PTPN11: variants seen among roughly 807,000 people sequenced by gnomAD.
The protein encoded by PTPN11 is protein tyrosine phosphatase non-receptor type 11.
A neutral mutation model predicts 78.8 loss-of-function variants in PTPN11; 6 were observed. The ratio of observed to expected loss-of-function variants is 0.08; its 90% confidence interval spans 0.04 to 0.15. PTPN11 has a LOEUF of 0.15. Ranked by LOEUF, PTPN11 falls within the 10% of genes least tolerant of loss-of-function variation. The pLI is 1.00. For missense variants in PTPN11, 386 were observed against 744.8 expected (o/e 0.52, Z 5.61); for synonymous variants, 221 against 263.5 (o/e 0.84, Z 1.56).
chr12:112,460,857 A>G (rs2038236310), intron 6 of PTPN11, among the ~76,000 whole-genome samples: 1 of 152,078 alleles, frequency 6.6e-6, no homozygotes, highest in African/African-American at 2.4e-5. Context: ...AAACAAAACA[A>G]AACAATCTTA....
chr12:112,491,263 T>G (rs1386722058), intron 13 of PTPN11, among the ~76,000 whole-genome samples: 1 of 146,488 alleles, frequency 6.8e-6, no homozygotes, highest in East Asian at 2.2e-4. Flanking sequence ...AACTTCCAAC[T>G]ACAGTAGTGA....
chr12:112,504,691 C>G lies in PTPN11; in HGVS notation c.1713-4C>G, dbSNP rs754737587. 1 of 1,564,302 alleles carries G rather than the reference C, an allele frequency of 6.4e-7. No individual in the cohort carries two copies. The highest frequency in any genetic ancestry group is 1.7e-5 in the Admixed American group (1 of 59,906). On this transcript the variant is annotated splice_polypyrimidine_tract_variant and splice_region_variant and intron_variant, in intron 14 of 15. Transcript: ENST00000351677. The surrounding 1 kb of genome is among the most constrained non-coding windows in gnomAD (Gnocchi z 4.7). The stretch of plus-strand genomic sequence containing the variant: ...AAATGTCTTTCTTTTTCTTTTCTCT[C>G]CAGAATGAGAGAAGACAGTGCTAGA...
rs762539984 is a variant in PTPN11, at chr12:112,446,414, AAG to A, written c.137+21_137+22del. ...TTTCCGTTAGGTAAGTTGGAATGAAAAGAGAGGATCCTGAGAGTGTTTTCTAG... is the reference window on the plus strand; with the variant it reads ...TTTCCGTTAGGTAAGTTGGAATGAAAAGAGGATCCTGAGAGTGTTTTCTAG... On this transcript the variant is annotated intron_variant, in intron 2 of 15. Transcript: ENST00000351677. 1 of 1,614,082 alleles carries A rather than the reference AAG, an allele frequency of 6.2e-7. No individual in the cohort carries two copies. Among genetic ancestry groups the A allele is most frequent in the Non-Finnish European group, 8.5e-7 (1 of 1,179,984 alleles).
intron 13 of PTPN11, among the ~76,000 whole-genome samples, chr12:112,492,823 A>T (rs1469376270): frequency 2.0e-5 from 3 of 152,060 alleles, no homozygotes; most frequent in Non-Finnish European, 4.4e-5. Flanking sequence ...GGCTCTCATA[A>T]TACTTTTTGC....
intron 1 of PTPN11, among the ~76,000 whole-genome samples, chr12:112,430,323 A>G (rs1179125969): frequency 6.6e-6 from 1 of 152,184 alleles, no homozygotes; most frequent in Non-Finnish European, 1.5e-5. Context: ...TTTTCTTATT[A>G]TCAGAGCCAG....
At chr12:112,452,416 G>A (rs894305787) in intron 3 of PTPN11, among the ~76,000 whole-genome samples, 33 of 152,180 alleles carry the variant, frequency 2.2e-4, no homozygotes, top group Admixed American at 1.4e-3. Context: ...AGCAGAGACA[G>A]GGTTTCACCA....
At chr12:112,419,151 C>T in intron 1 of PTPN11, 26 bp downstream of exon 1, 1 of 1,500,656 alleles carries the variant, frequency 6.7e-7, no homozygotes, top group Non-Finnish European at 8.9e-7. Context: ...GGGCCCGGCG[C>T]GGGCCTCGGC....
intron 3 of PTPN11, among the ~76,000 whole-genome samples, chr12:112,451,211 A>G (rs1048265464): frequency 1.3e-5 from 2 of 152,160 alleles, no homozygotes; most frequent in Non-Finnish European, 2.9e-5. Context: ...TTTTCAGCTT[A>G]TACCTTTATG....
chr12:112,453,327 T>C lies in PTPN11; in HGVS notation c.465T>C (p.Asp155=). 6.2e-7 allele frequency: 1 copy of C among 1,614,124 alleles called. No homozygotes were observed. Among genetic ancestry groups the C allele is most frequent in the African/African-American group, 1.3e-5 (1 of 75,034 alleles). The change falls in exon 4 of 16, where the codon GAT becomes GAC. Residue 155 remains aspartate (D), a synonymous_variant. Coordinates refer to ENST00000351677, the MANE Select transcript of PTPN11 (RefSeq NM_002834.5). ...GDFVLSVRTG[D]DKGESNDGKS... is the part of the protein sequence containing the mutation. ...TTGTTCTTTCTGTGCGCACTGGTGA[T>C]GACAAAGGGGAGAGCAATGACGGCA... is the stretch of plus-strand genomic sequence containing the variant.
chr12:112,470,571 T>C (rs1298566988), intron 6 of PTPN11, among the ~76,000 whole-genome samples: 1 of 152,122 alleles, frequency 6.6e-6, no homozygotes, highest in Non-Finnish European at 1.5e-5. Context: ...GAGGGAGAAA[T>C]TGAAGGGTAA....
At chr12:112,453,678 A>ATATTCATTTGTT (rs2038112097) in intron 4 of PTPN11, among the ~76,000 whole-genome samples, 1 of 146,630 alleles carries the variant, frequency 6.8e-6, no homozygotes, top group Admixed American at 6.9e-5. Flanking sequence ...TGTTTTTTTA[A>ATATTCATTTGTT]TATTCATTTG....
intron 3 of PTPN11, among the ~76,000 whole-genome samples, chr12:112,451,265 C>T (rs900907580): frequency 6.6e-6 from 1 of 152,140 alleles, no homozygotes; most frequent in Non-Finnish European, 1.5e-5. Flanking sequence ...TAGCTACCAC[C>T]GTAGCTTCAG....
intron 9 of PTPN11, among the ~76,000 whole-genome samples, chr12:112,479,597 CA>C (rs527639305): frequency 5.1e-4 from 78 of 152,268 alleles, no homozygotes; most frequent in African/African-American, 1.8e-3. Context: ...ATTAATGGAC[CA>C]ATGAAAACAT....
rs561557602 is a variant in PTPN11, at chr12:112,492,856, T to C, written c.1599+3681T>C. Among the ~76,000 whole-genome samples, 36 of 152,284 alleles carry C rather than the reference T, an allele frequency of 2.4e-4. No homozygotes were observed. In the East Asian group the frequency reaches 5.0e-3, roughly 21 times the overall value. On this transcript the variant is annotated intron_variant, in intron 13 of 15. Coordinates refer to ENST00000351677, the MANE Select transcript of PTPN11 (RefSeq NM_002834.5). The stretch of plus-strand genomic sequence containing the variant: ...TGCCTACTAATTTTATATTCATTGA[T>C]TAAATTCTTGCCTGAAAAAATTATT...
At position 112,450,378 on chromosome 12, in the gene PTPN11, T is replaced by C; in HGVS notation, c.198T>C (p.Tyr66=). 1.9e-6 allele frequency: 3 copies of C among 1,613,200 alleles called. No individual in the cohort carries two copies. Among genetic ancestry groups the C allele is most frequent in the Non-Finnish European group, 2.5e-6 (3 of 1,179,204 alleles). The change falls in exon 3 of 16, where the codon TAT becomes TAC. Residue 66 remains tyrosine, a synonymous_variant. Coordinates refer to ENST00000351677, the MANE Select transcript of PTPN11 (RefSeq NM_002834.5). ...IQNTGDYYDL[Y]GGEKFATLAE... ...ACACTGGTGATTACTATGACCTGTA[T>C]GGAGGGGAGAAATTTGCCACTTTGG... is the stretch of plus-strand genomic sequence containing the variant.
chr12:112,444,419 G>A (rs542672934), intron 1 of PTPN11, among the ~76,000 whole-genome samples: 11 of 151,642 alleles, frequency 7.3e-5, no homozygotes, highest in Admixed American at 5.9e-4. Flanking sequence ...TTGGCTCACT[G>A]CAACCTCCGC....
chr12:112,496,715 A>G (rs1213722471), intron 13 of PTPN11, among the ~76,000 whole-genome samples: 1 of 152,200 alleles, frequency 6.6e-6, no homozygotes, highest in Non-Finnish European at 1.5e-5. Context: ...CAACCCTGGT[A>G]TAGGTGTAAA....
intron 6 of PTPN11, among the ~76,000 whole-genome samples, chr12:112,459,908 TACACACACAC>T (rs56846748): frequency 4.8e-5 from 7 of 146,882 alleles, no homozygotes; most frequent in South Asian, 4.4e-4. Flanking sequence ...TCCTGATTGC[TACACACACAC>T]ACACACACAC....
At position 112,504,717 on chromosome 12, in the gene PTPN11, G is replaced by C; in HGVS notation, c.1735G>C (p.Val579Leu). The C allele has an allele frequency of 6.3e-7, 1 of 1,590,090 alleles. No homozygotes were observed. The change falls in exon 15 of 16, where the codon GTC becomes CTC. Residue 579 changes from valine (V) to leucine (L), a missense_variant. Val to Leu is a conservative substitution (Grantham distance 32, BLOSUM62 1). This residue lies in a region of PTPN11 where 44 missense variants were observed against 59.3 expected (regional missense o/e 0.74). Transcript: ENST00000351677. This position sits in a 1 kb window ranked among gnomAD's most constrained non-coding sequence, Gnocchi z 4.7. ...CAEMREDSAR[V>L]YENVGLMQQQ... Reference sequence around the variant, plus strand: ...CAGAATGAGAGAAGACAGTGCTAGAGTCTATGAAAACGTGGGCCTGATGCA... The same window carrying C: ...CAGAATGAGAGAAGACAGTGCTAGACTCTATGAAAACGTGGGCCTGATGCA...
Sources: gnomAD v4.1 joint callset for allele counts (sites outside exome capture counted in the v4.1 genomes callset) on GRCh38, gnomAD v4.1.1 for gene constraint, gnomAD v4.1.1 regional missense constraint, Gnocchi (gnomAD v3.1) non-coding constraint, MANE v1.5 for transcripts, NCBI Gene and HGNC (gene_info 2026-07-23, HGNC 2026-07-21) for gene names.